Variants in PCDHGA6 observed in about 807,000 individuals in gnomAD.
PCDHGA6 encodes the protein protocadherin gamma subfamily A, 6, also known as protocadherin gamma-A6.
A neutral mutation model predicts 60.6 loss-of-function variants in PCDHGA6; 41 were observed. The ratio of observed to expected loss-of-function variants is 0.68; its 90% confidence interval spans 0.53 to 0.88. PCDHGA6 has a LOEUF of 0.88. PCDHGA6 is among the 40% of genes least tolerant of loss of function. The pLI is 0.00. For missense variants in PCDHGA6, 1,312 were observed against 1,203.0 expected (o/e 1.09, Z -1.34); for synonymous variants, 594 against 524.4 (o/e 1.13, Z -1.81).
At chr5:141,389,288 T>C (rs1434265418) in intron 1 of PCDHGA6, 1 of 1,613,906 alleles carries the variant, frequency 6.2e-7, no homozygotes, top group Admixed American at 1.7e-5. Flanking sequence ...CTGGAGCCTC[T>C]ATTTCACAAG....
intron 1 of PCDHGA6, among the ~76,000 whole-genome samples, chr5:141,482,940 G>T (rs1245833250): frequency 6.6e-6 from 1 of 152,026 alleles, no homozygotes; most frequent in East Asian, 1.9e-4. Context: ...AGGTGTGGTT[G>T]TGGGTGCCTG....
At chr5:141,505,143 CAG>C (rs1332770308) in intron 2 of PCDHGA6, among the ~76,000 whole-genome samples, 1 of 152,172 alleles carries the variant, frequency 6.6e-6, no homozygotes, top group Non-Finnish European at 1.5e-5. Context: ...GCCTGGATGA[CAG>C]AGTAAGACCC....
rs372043756 is a variant in PCDHGA6 at position 141,476,212 on chromosome 5, C to G, written c.2425-18595C>G. ...GTGCCTTGAACAAGGCTTCCACGGT[C>G]ATTCACTATGAGATCCCGGAGGAAA... On this transcript the variant is annotated intron_variant, in intron 1 of 3. Coordinates refer to ENST00000517434, the MANE Select transcript of PCDHGA6 (RefSeq NM_018919.3). The surrounding 1 kb of genome is among the most constrained non-coding windows in gnomAD (Gnocchi z 7.6). 6 of 1,613,932 alleles carry G rather than the reference C, an allele frequency of 3.7e-6. No individual in the cohort carries two copies. The highest frequency in any genetic ancestry group is 5.1e-6 in the Non-Finnish European group (6 of 1,180,012).
At position 141,479,006 on chromosome 5, in the gene PCDHGA6, T is replaced by C. The variant is rs148063283; in HGVS notation, c.2425-15801T>C. On this transcript the variant is annotated intron_variant, in intron 1 of 3. Transcript: ENST00000517434. ...ACATTTGTATTAAAACTAATAGCTT[T>C]TTGATAATTTTCCTTTGTTTATACA... Among the ~76,000 whole-genome samples the C allele has an allele frequency of 1.2e-3, 179 of 152,340 alleles. 2 individuals are homozygous for C. The highest frequency in any genetic ancestry group is 0.011 in the Admixed American group (170 of 15,300).
In PCDHGA6 at chr5:141,495,260, G is replaced by A. The variant is rs368797742; in HGVS notation, c.2483+395G>A. On this transcript the variant is annotated intron_variant, in intron 2 of 3. Transcript: ENST00000517434. ...TATGACCTGGGGCTCAGGCAGAAAA[G>A]CATTTGACCGGAGGAGGCGGTCCGC... Among the ~76,000 whole-genome samples the A allele has an allele frequency of 3.3e-5, 5 of 152,208 alleles. No individual in the cohort carries two copies. The East Asian group carries it at 5.8e-4, about 18-fold the overall frequency.
chr5:141,486,399 C>G lies in PCDHGA6; in HGVS notation c.2425-8408C>G. On this transcript the variant is annotated intron_variant, in intron 1 of 3. Transcript: ENST00000517434. The surrounding 1 kb of genome is among the most constrained non-coding windows in gnomAD (Gnocchi z 5.0). ...TTCAGGAACCAGTTCTCCCTGGTGA[C>G]TGCTGGACCCTTGGATCGAGAGGCC... The G allele has an allele frequency of 6.2e-7, 1 of 1,614,188 alleles. No individual in the cohort carries two copies. The highest frequency in any genetic ancestry group is 1.1e-5 in the South Asian group (1 of 91,090).
intron 1 of PCDHGA6, chr5:141,409,534 C>A (rs774144232): frequency 3.1e-6 from 5 of 1,613,986 alleles, no homozygotes; most frequent in Non-Finnish European, 4.2e-6. Flanking sequence ...ATGTCGCTGA[C>A]ATCAACGACA....
At chr5:141,438,630 A>ATG (rs2098034686) in intron 1 of PCDHGA6, among the ~76,000 whole-genome samples, 1 of 38,920 alleles carries the variant, frequency 2.6e-5, no homozygotes, top group Non-Finnish European at 4.2e-5. Flanking sequence ...ATATATATAT[A>ATG]TATATACACA....
At position 141,476,172 on chromosome 5, in the gene PCDHGA6, T is replaced by C; in HGVS notation, c.2425-18635T>C. 6.2e-7 allele frequency: 1 copy of C among 1,612,930 alleles called. No individual in the cohort carries two copies. The highest frequency in any genetic ancestry group is 1.1e-5 in the South Asian group (1 of 91,026). On this transcript the variant is annotated intron_variant, in intron 1 of 3. Coordinates refer to ENST00000517434, the MANE Select transcript of PCDHGA6 (RefSeq NM_018919.3). This position sits in a 1 kb window ranked among gnomAD's most constrained non-coding sequence, Gnocchi z 7.6. ...GTAAGCACCGGGAGGGTAGTGGGAG[T>C]TTTGCTTCTGCTTGGTGCCTTGAAC...
intron 1 of PCDHGA6, chr5:141,384,958 T>A: frequency 6.2e-7 from 1 of 1,613,954 alleles, no homozygotes; most frequent in Non-Finnish European, 8.5e-7. Context: ...TCCTTACAAC[T>A]ATGACCTCAC....
At chr5:141,405,938 G>A (rs1249578216) in intron 1 of PCDHGA6, among the ~76,000 whole-genome samples, 2 of 152,114 alleles carry the variant, frequency 1.3e-5, no homozygotes, top group Non-Finnish European at 2.9e-5. Flanking sequence ...TAACTTTCAT[G>A]TTCTCATAAT....
At chr5:141,383,189 C>A (rs1588938013) in intron 1 of PCDHGA6, 1 of 1,614,068 alleles carries the variant, frequency 6.2e-7, no homozygotes, top group Non-Finnish European at 8.5e-7. Context: ...GAGATCTGCG[C>A]TCAGAGTGCG....
rs769232324 is a variant in PCDHGA6, at chr5:141,423,034, G to T, written c.2424+46527G>T. 4 of 1,614,082 alleles carry T rather than the reference G, an allele frequency of 2.5e-6. No individual in the cohort carries two copies. In the African/African-American group the frequency reaches 4.0e-5, roughly 16 times the overall value. On this transcript the variant is annotated intron_variant, in intron 1 of 3. Coordinates refer to ENST00000517434, the MANE Select transcript of PCDHGA6 (RefSeq NM_018919.3). ...GGTGGACAAAGATTCAGGCCAGAAC[G>T]CCTGGCTGTCCTATCGCCTGCTTAA...
chr5:141,403,582 G>A (rs973617374), intron 1 of PCDHGA6: 1 of 1,613,910 alleles, frequency 6.2e-7, no homozygotes, highest in Non-Finnish European at 8.5e-7. Flanking sequence ...CCCACCACCT[G>A]GTCCTCACGG....
chr5:141,400,068 G>A (rs2093954953), intron 1 of PCDHGA6: 1 of 1,613,706 alleles, frequency 6.2e-7, no homozygotes, highest in African/African-American at 1.3e-5. Flanking sequence ...ATGGTGGACA[G>A]CCGCCACTCT....
Position 141,476,383 on chromosome 5 carries a change from C to G in PCDHGA6, c.2425-18424C>G, listed in dbSNP as rs547854431. ...GGGAGACCGGAGAGATGTTTGTGAACGACCGTCTGGATCGAGAGGAGCTGT... is the reference window on the plus strand; with the variant it reads ...GGGAGACCGGAGAGATGTTTGTGAAGGACCGTCTGGATCGAGAGGAGCTGT... On this transcript the variant is annotated intron_variant, in intron 1 of 3. Transcript: ENST00000517434. The surrounding 1 kb of genome is among the most constrained non-coding windows in gnomAD (Gnocchi z 7.6). 1.2e-6 allele frequency: 2 copies of G among 1,614,102 alleles called. No homozygotes were observed. Among genetic ancestry groups the G allele is most frequent in the Middle Eastern group, 3.3e-4 (2 of 6,062 alleles).
chr5:141,510,813 C>T, intron 3 of PCDHGA6, 134 bp from the exon 4 acceptor site: 1 of 1,537,024 alleles, frequency 6.5e-7, no homozygotes, highest in South Asian at 1.2e-5. Flanking sequence ...CTTGGTGACC[C>T]CTATATTCCC....
intron 1 of PCDHGA6, among the ~76,000 whole-genome samples, chr5:141,455,406 CAG>C (rs1306843200): frequency 3.3e-5 from 5 of 152,226 alleles, no homozygotes; most frequent in Non-Finnish European, 5.9e-5. Flanking sequence ...CTTACAGAGA[CAG>C]AGGGAGCGGG....
Position 141,510,362 on chromosome 5 carries a change from C to T in PCDHGA6, c.2573-585C>T, listed in dbSNP as rs74321279. Among the ~76,000 whole-genome samples the T allele has an allele frequency of 2.0e-4, 29 of 142,136 alleles. No homozygotes were observed. In the East Asian group the frequency reaches 5.7e-3, roughly 28 times the overall value. The allele number at this position is 142,136 out of a possible 152,430, so 93.2% of individuals were successfully genotyped here. A position where few individuals can be genotyped will look rare whatever the true frequency, so the allele number is the denominator to read the frequency against. On this transcript the variant is annotated intron_variant, in intron 3 of 3. Coordinates refer to ENST00000517434, the MANE Select transcript of PCDHGA6 (RefSeq NM_018919.3). ...CCCACACACTTACTAACGGAACTAC[C>T]GAATCTCTACTCGTGCCAGGCCTTG... is the stretch of plus-strand genomic sequence containing the variant.
Sources: gnomAD v4.1 joint callset for allele counts (sites outside exome capture counted in the v4.1 genomes callset) on GRCh38, gnomAD v4.1.1 for gene constraint, Gnocchi (gnomAD v3.1) non-coding constraint, MANE v1.5 for transcripts, NCBI Gene and HGNC (gene_info 2026-07-23, HGNC 2026-07-21) for gene names.